The following UVRAG variants were observed in gnomAD, a reference collection of about 807,000 sequenced individuals.
UVRAG encodes UV radiation resistance-associated gene protein.
UVRAG carries 19 observed loss-of-function variants against 78.0 expected under a neutral mutation model. The ratio of observed to expected loss-of-function variants is 0.24; its 90% CI spans 0.17 to 0.36. UVRAG has a LOEUF of 0.36. Among genes scored for constraint, UVRAG ranks in the 10% least tolerant of loss-of-function variants. UVRAG has a pLI of 1.00. For synonymous variants in UVRAG, 323 were observed against 324.6 expected (o/e 1.00, Z 0.05); for missense variants, 740 against 853.8 (o/e 0.87, Z 1.66).
intron 8 of UVRAG, among the ~76,000 whole-genome samples, chr11:76,002,316 A>T (rs1949830172): frequency 6.6e-6 from 1 of 152,188 alleles, no homozygotes; most frequent in South Asian, 2.1e-4. Context: ...AGAGAAATGA[A>T]TGTGGTATGT....
intron 6 of UVRAG, among the ~76,000 whole-genome samples, chr11:75,926,171 A>G (rs1439227083): frequency 1.3e-5 from 2 of 151,884 alleles, no homozygotes; most frequent in East Asian, 3.9e-4. Context: ...TATACTCCTC[A>G]CCTTGTGCCT....
intron 1 of UVRAG, among the ~76,000 whole-genome samples, chr11:75,834,073 TTAATC>T (rs1342917273): frequency 8.5e-5 from 13 of 152,216 alleles, no homozygotes; most frequent in Non-Finnish European, 1.3e-4. Context: ...CATCGATACT[TTAATC>T]TAAGGTTCAT....
intron 3 of UVRAG, among the ~76,000 whole-genome samples, chr11:75,878,134 C>A (rs1200798175): frequency 6.7e-6 from 1 of 148,440 alleles, no homozygotes. Context: ...GGGTCTCCTC[C>A]CTTCTCAGAT....
intron 1 of UVRAG, among the ~76,000 whole-genome samples, chr11:75,817,858 A>G (rs1945291580): frequency 6.6e-6 from 1 of 151,388 alleles, no homozygotes; most frequent in Admixed American, 6.6e-5. Flanking sequence ...AGCCTGGCCA[A>G]CATGCTGAAA....
At position 76,140,933 on chromosome 11, in the gene UVRAG, C is replaced by G; in HGVS notation, c.1620C>G (p.Thr540=). 2 of 1,614,076 alleles carry G rather than the reference C, an allele frequency of 1.2e-6. No individual in the cohort carries two copies. The highest frequency in any genetic ancestry group is 1.7e-6 in the Non-Finnish European group (2 of 1,180,028). The change falls in exon 15 of 15, where the codon ACC becomes ACG. Residue 540 remains threonine (T), a synonymous_variant. Transcript: ENST00000356136. The part of the protein sequence containing the change: ...PVTTVPSMGE[T]ERKITSLSSS... The stretch of plus-strand genomic sequence containing the variant: ...CCACCGTCCCCTCCATGGGAGAGAC[C>G]GAGAGAAAGATAACATCTCTATCCT...
At chr11:75,919,038 C>T (rs1293830468) in intron 6 of UVRAG, among the ~76,000 whole-genome samples, 2 of 152,170 alleles carry the variant, frequency 1.3e-5, no homozygotes, top group African/African-American at 4.8e-5. Flanking sequence ...AAATTCCCCT[C>T]CCCGCACTTT....
intron 7 of UVRAG, among the ~76,000 whole-genome samples, chr11:75,970,798 A>G (rs1949108575): frequency 6.6e-6 from 1 of 151,672 alleles, no homozygotes; most frequent in Non-Finnish European, 1.5e-5. Context: ...CCCATCCCCA[A>G]TTTCTTCTGT....
chr11:75,884,683 C>A (rs1947038114), intron 4 of UVRAG, among the ~76,000 whole-genome samples: 1 of 152,078 alleles, frequency 6.6e-6, no homozygotes, highest in Non-Finnish European at 1.5e-5. Flanking sequence ...CATTGAATTA[C>A]CTTGTCATCT....
At chr11:75,883,369 CAA>C (rs561377655) in intron 4 of UVRAG, among the ~76,000 whole-genome samples, 9 of 48,250 alleles carry the variant, frequency 1.9e-4, no homozygotes, top group Admixed American at 5.0e-4. Flanking sequence ...TAACAGAGAA[CAA>C]AAAAAAAAAA....
chr11:76,123,450 C>A (rs1478666766), intron 14 of UVRAG, among the ~76,000 whole-genome samples: 1 of 152,124 alleles, frequency 6.6e-6, no homozygotes. Context: ...GGGTGAGTAG[C>A]CTAAAGCATA....
At position 75,983,511 on chromosome 11, in the gene UVRAG, A is replaced by G; in HGVS notation, c.824A>G (p.Lys275Arg). The change falls in exon 8 of 15, where the codon AAA (lysine) becomes AGA (arginine). Residue 275 changes from lysine to arginine, a missense_variant and splice_region_variant. Coordinates refer to ENST00000356136, the MANE Select transcript of UVRAG (RefSeq NM_003369.4). ...LHKQQIALQD[K>R]GSAFSAEHLK... ...AAGCAACAAATTGCATTACAAGACAAAGGTGAGTGGAAATACCATACAAAC... is the reference window on the plus strand; with the variant it reads ...AAGCAACAAATTGCATTACAAGACAGAGGTGAGTGGAAATACCATACAAAC... The G allele has an allele frequency of 6.3e-7, 1 of 1,595,630 alleles. No homozygotes were observed. The highest frequency in any genetic ancestry group is 1.7e-5 in the Admixed American group (1 of 58,678).
At chr11:76,093,709 G>A (rs993059093) in intron 13 of UVRAG, among the ~76,000 whole-genome samples, 6 of 152,188 alleles carry the variant, frequency 3.9e-5, no homozygotes, top group African/African-American at 1.2e-4. Flanking sequence ...CATTGATTTT[G>A]TATCCTGAGA....
intron 1 of UVRAG, among the ~76,000 whole-genome samples, chr11:75,845,626 A>ACCAAAAACCTCATGTTCTCCTT (rs1256027617): frequency 6.6e-6 from 1 of 152,206 alleles, no homozygotes; most frequent in Non-Finnish European, 1.5e-5. Flanking sequence ...GGAGCAGAAA[A>ACCAAAAACCTCATGTTCTCCTT]CCAAAAACCT....
At chr11:76,073,901 A>G (rs1406351189) in intron 13 of UVRAG, among the ~76,000 whole-genome samples, 2 of 152,184 alleles carry the variant, frequency 1.3e-5, no homozygotes, top group Non-Finnish European at 1.5e-5. Flanking sequence ...CTTACTAAAC[A>G]ACACATGGTA....
At chr11:75,894,355 A>T (rs1947292482) in intron 5 of UVRAG, among the ~76,000 whole-genome samples, 2 of 152,124 alleles carry the variant, frequency 1.3e-5, no homozygotes, top group Non-Finnish European at 2.9e-5. Flanking sequence ...ATGAAGAAAA[A>T]AAAAACTCCA....
At chr11:76,095,030 G>A (rs138174669) in intron 13 of UVRAG, among the ~76,000 whole-genome samples, 21 of 152,226 alleles carry the variant, frequency 1.4e-4, no homozygotes, top group East Asian at 1.9e-4. Context: ...CTTAGTATGC[G>A]TATGTTCACT....
chr11:76,093,720 C>A (rs545456952), intron 13 of UVRAG, among the ~76,000 whole-genome samples: 16 of 152,308 alleles, frequency 1.1e-4, no homozygotes, highest in African/African-American at 3.8e-4. Flanking sequence ...TATCCTGAGA[C>A]TTTGCTAAAG....
At chr11:75,953,042 C>G (rs1359101870) in intron 6 of UVRAG, among the ~76,000 whole-genome samples, 1 of 151,998 alleles carries the variant, frequency 6.6e-6, no homozygotes, top group Admixed American at 6.6e-5. Flanking sequence ...CATACAGTTG[C>G]TCATAATTTC....
chr11:75,961,602 A>G, intron 7 of UVRAG, 53 bp downstream of exon 7: 1 of 1,395,724 alleles, frequency 7.2e-7, no homozygotes, highest in African/African-American at 1.5e-5. Flanking sequence ...AAAGGAGAGT[A>G]TCATATTCTT....
Sources: gnomAD v4.1 joint callset for allele counts (sites outside exome capture counted in the v4.1 genomes callset) on GRCh38, gnomAD v4.1.1 for gene constraint, MANE v1.5 for transcripts, NCBI Gene and HGNC (gene_info 2026-07-23, HGNC 2026-07-21) for gene names.